Variants in SEC24D observed in about 807,000 individuals in gnomAD.
SEC24D encodes the protein protein transport protein Sec24D.
Under a neutral mutation model 116.9 loss-of-function variants are expected in SEC24D, and 69 were observed. The observed-to-expected ratio is 0.59, with a 90% CI of 0.49 to 0.72. The LOEUF is 0.72. Among genes scored for constraint, SEC24D ranks in the 30% least tolerant of loss-of-function variants. The probability of loss-of-function intolerance (pLI) is 0.00; values close to 1 mark genes in which losing one functional copy is unlikely to be tolerated. For missense variants in SEC24D, 1,131 were observed against 1,264.1 expected, an observed-to-expected ratio of 0.89 and a Z score of 1.60; for synonymous variants, 405 against 442.8, an observed-to-expected ratio of 0.91 and a Z score of 1.07.
At chr4:118,822,171 C>T (rs1212749397) in intron 3 of SEC24D, among the ~76,000 whole-genome samples, 1 of 152,184 alleles carries the variant, frequency 6.6e-6, no homozygotes, top group Non-Finnish European at 1.5e-5. Flanking sequence ...GTAAGGTACT[C>T]TGCATGTATT....
chr4:118,788,942 A>G (rs971718455), intron 8 of SEC24D, among the ~76,000 whole-genome samples: 2 of 152,336 alleles, frequency 1.3e-5, no homozygotes, highest in South Asian at 4.1e-4. Flanking sequence ...TGCCCAGCCC[A>G]CTGCTGAACT....
intron 22 of SEC24D, among the ~76,000 whole-genome samples, chr4:118,727,512 G>A (rs1282216612): frequency 6.6e-6 from 1 of 152,068 alleles, no homozygotes; most frequent in African/African-American, 2.4e-5. Context: ...CAGTTGGAGG[G>A]ATGCAGTTGC....
intron 8 of SEC24D, among the ~76,000 whole-genome samples, chr4:118,792,376 C>A (rs1264699443): frequency 6.6e-6 from 1 of 152,220 alleles, no homozygotes; most frequent in Non-Finnish European, 1.5e-5. Flanking sequence ...CCGGCCGCCA[C>A]CCCTTCTGGG....
Position 118,766,006 on chromosome 4 carries a change from C to CT in SEC24D, c.1181-1090dup, listed in dbSNP as rs372278389. 4.9e-4 allele frequency among the ~76,000 whole-genome samples: 75 copies of CT among 152,186 alleles called. 1 individual carries two copies. Among genetic ancestry groups the CT allele is most frequent in the African/African-American group, 1.7e-3 (71 of 41,530 alleles). ...GACAGGCTCAGCTGAGGTAAGTAAA[C>CT]TTTGAGGGTCTTAAATTGCTATTTT... On this transcript the variant is annotated intron_variant, in intron 9 of 22. Coordinates refer to ENST00000280551, the MANE Select transcript of SEC24D (RefSeq NM_014822.4).
At chr4:118,726,160 A>G (rs1040903649) in intron 22 of SEC24D, among the ~76,000 whole-genome samples, 4 of 152,298 alleles carry the variant, frequency 2.6e-5, no homozygotes, top group Admixed American at 6.5e-5. Context: ...TCATTGGCTG[A>G]CTCACAGGGA....
intron 10 of SEC24D, among the ~76,000 whole-genome samples, chr4:118,762,631 A>G (rs1163352285): frequency 6.6e-6 from 1 of 152,178 alleles, no homozygotes; most frequent in South Asian, 2.1e-4. Context: ...AAGCTTTTTC[A>G]TTGTCTGAAT....
At chr4:118,775,151 T>C (rs1336874670) in intron 8 of SEC24D, among the ~76,000 whole-genome samples, 1 of 152,110 alleles carries the variant, frequency 6.6e-6, no homozygotes. Flanking sequence ...TATCACACTA[T>C]TTTACTTTTC....
At chr4:118,784,648 G>A (rs1014918544) in intron 8 of SEC24D, among the ~76,000 whole-genome samples, 1 of 151,936 alleles carries the variant, frequency 6.6e-6, no homozygotes, top group African/African-American at 2.4e-5. Context: ...GAAAGTAAAT[G>A]GTGGTTTTAT....
chr4:118,795,409 A>G (rs1729135317), intron 8 of SEC24D, among the ~76,000 whole-genome samples: 1 of 151,894 alleles, frequency 6.6e-6, no homozygotes, highest in African/African-American at 2.4e-5. Flanking sequence ...GGGTTTCATC[A>G]TATTGGTCAG....
rs1182434832 is a variant in SEC24D at position 118,731,461 on chromosome 4, C to T, written c.2723G>A (p.Cys908Tyr). The change falls in exon 21 of 23, where the codon TGC becomes TAC. Residue 908 changes from cysteine to tyrosine, a missense_variant. By Grantham distance (194) the Cys-to-Tyr change is radical. Transcript: ENST00000280551. ...TTCTTCTGAAAGACGGGACTCAGAG[C>T]AACGAACGGCAGCAGGTAACATTGT... is the stretch of plus-strand genomic sequence containing the variant. ...KSTMLPAAVR[C>Y]SESRLSEEGI... The T allele has an allele frequency of 2.5e-6, 4 of 1,614,000 alleles. No homozygotes were observed. In the East Asian group the frequency reaches 8.9e-5, roughly 36 times the overall value.
chr4:118,762,145 G>A (rs1034418467), intron 10 of SEC24D, among the ~76,000 whole-genome samples: 1 of 150,332 alleles, frequency 6.7e-6, no homozygotes, highest in Non-Finnish European at 1.5e-5. Context: ...CACATTTCAA[G>A]TACACTTTAC....
At chr4:118,820,017 A>T (rs1282770274) in intron 3 of SEC24D, among the ~76,000 whole-genome samples, 1 of 152,208 alleles carries the variant, frequency 6.6e-6, no homozygotes, top group African/African-American at 2.4e-5. Context: ...TGACCAACTT[A>T]AATATGGTAA....
rs578224539 is a variant in SEC24D at position 118,744,089 on chromosome 4, C to T, written c.1894G>A (p.Val632Met). 1 of 1,613,356 alleles carries T rather than the reference C, an allele frequency of 6.2e-7. No individual in the cohort carries two copies. Among genetic ancestry groups the T allele is most frequent in the East Asian group, 2.2e-5 (1 of 44,790 alleles). Reference protein sequence around the residue: ...AKDCVAHGCSVTLFLFPSQYV... With the variant: ...AKDCVAHGCSMTLFLFPSQYV... ...TGACTAGGAAAGAGGAAGAGTGTCA[C>T]AGAGCAGCCGTGAGCCACGCAGTCC... is the stretch of plus-strand genomic sequence containing the variant. The change falls in exon 15 of 23, where the codon GTG becomes ATG. Residue 632 changes from valine (V) to methionine (M), a missense_variant. By Grantham distance (21) the Val-to-Met change is conservative. Coordinates refer to ENST00000280551, the MANE Select transcript of SEC24D (RefSeq NM_014822.4).
intron 8 of SEC24D, among the ~76,000 whole-genome samples, chr4:118,782,171 A>G (rs1728445241): frequency 1.3e-5 from 2 of 152,236 alleles, no homozygotes; most frequent in South Asian, 2.1e-4. Context: ...AGGCACTCTG[A>G]TTTTTAGAAT....
intron 11 of SEC24D, among the ~76,000 whole-genome samples, chr4:118,754,509 C>A (rs1293436253): frequency 6.6e-6 from 1 of 152,118 alleles, no homozygotes; most frequent in Non-Finnish European, 1.5e-5. Flanking sequence ...AGTCACAAGT[C>A]CTTGACTGCA....
rs765896400 is a variant in SEC24D, at chr4:118,824,747, T to C, written c.121A>G (p.Met41Val). 2 of 1,584,726 alleles carry C rather than the reference T, an allele frequency of 1.3e-6. No individual in the cohort carries two copies. Among genetic ancestry groups the C allele is most frequent in the East Asian group, 2.3e-5 (1 of 44,126 alleles). ...DPSHTASPTG[M>V]MKPAGPLGAT... is the part of the protein sequence containing the mutation. ...CCCAAAGGCCCTGCTGGCTTCATCA[T>C]ACCTGCAAGAGAGGGGCATGAATTT... is the stretch of plus-strand genomic sequence containing the variant. The change falls in exon 3 of 23, where the codon ATG (methionine) becomes GTG (valine). Residue 41 changes from methionine (M) to valine (V), a missense_variant and splice_region_variant. Physicochemically the swap from Met to Val is conservative, Grantham distance 21. Transcript: ENST00000280551.
rs1185148886 is a variant in SEC24D at position 118,751,176 on chromosome 4, C to CTTTTTTTTTTTTTTTTTTTTTTTTT, written c.1707+819_1707+820insAAAAAAAAAAAAAAAAAAAAAAAAA. ...TAATAATGATGATTTAGAGTGAGGG[C>CTTTTTTTTTTTTTTTTTTTTTTTTT]TTTTTTTTTTTTTTTTTTTGAGATG... On this transcript the variant is annotated intron_variant, in intron 13 of 22. Transcript: ENST00000280551. 1.7e-4 allele frequency among the ~76,000 whole-genome samples: 17 copies of CTTTTTTTTTTTTTTTTTTTTTTTTT among 100,326 alleles called. 4 individuals carry two copies. Among genetic ancestry groups the CTTTTTTTTTTTTTTTTTTTTTTTTT allele is most frequent in the South Asian group, 7.9e-4 (2 of 2,530 alleles). 65.8% of individuals were successfully genotyped at this position (100,326 alleles called of 152,430 possible).
chr4:118,773,171 G>T (rs1176894603), intron 8 of SEC24D, among the ~76,000 whole-genome samples: 3 of 151,042 alleles, frequency 2.0e-5, no homozygotes, highest in African/African-American at 7.3e-5. Context: ...TCCTTCATTA[G>T]AAGTATTCAG....
chr4:118,763,290 A>G (rs1203085599), intron 10 of SEC24D, among the ~76,000 whole-genome samples: 1 of 152,210 alleles, frequency 6.6e-6, no homozygotes, highest in Non-Finnish European at 1.5e-5. Flanking sequence ...TACGTAGTAT[A>G]TTGCAAAATA....
Sources: allele counts gnomAD v4.1 joint callset (sites outside exome capture counted in the v4.1 genomes callset), GRCh38; gene constraint gnomAD v4.1.1; transcripts MANE v1.5; gene names NCBI Gene and HGNC (gene_info 2026-07-23, HGNC 2026-07-21).